The following STK25 variants were observed in gnomAD, a reference collection of about 807,000 sequenced individuals.
The protein encoded by STK25 is serine/threonine-protein kinase 25.
Under a neutral mutation model 53.8 loss-of-function variants are expected in STK25, and 29 were observed. That is an observed-to-expected ratio of 0.54 (90% CI 0.40 to 0.74). The LOEUF is 0.74. Among genes scored for constraint, STK25 ranks in the 30% least tolerant of loss-of-function variants. The pLI is 0.00. For synonymous variants in STK25, 247 were observed against 238.3 expected, an observed-to-expected ratio of 1.04 and a Z score of -0.33; for missense variants, 420 against 568.0, an observed-to-expected ratio of 0.74 and a Z score of 2.65.
intron 5 of STK25, 196 bp from the exon 6 acceptor site, chr2:241,499,610 C>T (rs1026149406): frequency 3.9e-5 from 25 of 648,312 alleles, no homozygotes; most frequent in Middle Eastern, 4.2e-4. Context: ...AGGAGCCCAA[C>T]GGCTCCACTC....
intron 5 of STK25, 131 bp downstream of exon 5, chr2:241,500,042 A>G: frequency 1.3e-6 from 1 of 752,758 alleles, no homozygotes; most frequent in Non-Finnish European, 2.4e-6. Flanking sequence ...GCTCAGTTTC[A>G]GGGTGGCCAC....
Position 241,492,906 on chromosome 2 carries a change from C to T in STK25, c.*2756G>A. 2 of 1,427,764 alleles carry T rather than the reference C, an allele frequency of 1.4e-6. No homozygotes were observed. The highest frequency in any genetic ancestry group is 2.0e-6 in the Non-Finnish European group (2 of 1,010,060). The allele number at this position is 1,427,764 out of a possible 1,614,324, so 88.4% of individuals were successfully genotyped here. A position where few individuals can be genotyped will look rare whatever the true frequency, so the allele number is the denominator to read the frequency against. On this transcript the variant is annotated 3_prime_UTR_variant, in exon 12 of 12. Transcript: ENST00000316586. Reference sequence around the variant, plus strand: ...GGGTCCTGGGTGCTGGTTAATGCACCTGCATTTTTCCTTTATTGACAGAAC... The same window carrying T: ...GGGTCCTGGGTGCTGGTTAATGCACTTGCATTTTTCCTTTATTGACAGAAC...
At position 241,508,092 on chromosome 2, in the gene STK25, G is replaced by T; in HGVS notation, c.-57C>A. On this transcript the variant is annotated 5_prime_UTR_variant, in exon 2 of 12. Transcript: ENST00000316586. ...CCCCAGGAGGCGTCTGGATCCCGCG[G>T]AGAGGCGCGGAGCCGGCTAGCTCGC... The T allele has an allele frequency of 6.4e-7, 1 of 1,558,540 alleles. No homozygotes were observed. The highest frequency in any genetic ancestry group is 1.2e-5 in the South Asian group (1 of 84,300).
Position 241,493,928 on chromosome 2 carries a change from G to A in STK25, c.*1734C>T, listed in dbSNP as rs2065030244. On this transcript the variant is annotated 3_prime_UTR_variant, in exon 12 of 12. Transcript: ENST00000316586. ...TTTTAACCCTTCTTTTGTCCTGCTT[G>A]TCCCATATCCTGGGTTGTTCTTGGG... 5.6e-6 allele frequency: 5 copies of A among 897,888 alleles called. No homozygotes were observed. The highest frequency in any genetic ancestry group is 2.9e-5 in the South Asian group (1 of 34,230). 55.6% of individuals were successfully genotyped at this position (897,888 alleles called of 1,614,324 possible). A position where few individuals can be genotyped will look rare whatever the true frequency, so the allele number is the denominator to read the frequency against.
Position 241,497,604 on chromosome 2 carries a change from CCCCATCCTCA to C in STK25, c.1104+2_1104+11del. Reference sequence around the variant, plus strand: ...GACGGGACTCCAGGCCCAGTCCCAGCCCCATCCTCACCTCTCCGAAGACGGGCCGGACCAG... The same window carrying C: ...GACGGGACTCCAGGCCCAGTCCCAGCCCTCTCCGAAGACGGGCCGGACCAG... On this transcript the variant is annotated splice_donor_variant and splice_donor_5th_base_variant and intron_variant, in intron 10 of 11. Transcript: ENST00000316586. LOFTEE classifies it high-confidence loss of function. 6.2e-7 allele frequency: 1 copy of C among 1,613,284 alleles called. No homozygotes were observed. The highest frequency in any genetic ancestry group is 8.5e-7 in the Non-Finnish European group (1 of 1,179,766).
rs1380432090 is a variant in STK25, at chr2:241,496,673, C to A, written c.1105-139G>T. On this transcript the variant is annotated intron_variant, in intron 10 of 11. Transcript: ENST00000316586. The surrounding 1 kb of genome is among the most constrained non-coding windows in gnomAD (Gnocchi z 5.8). The stretch of plus-strand genomic sequence containing the variant: ...CACACCCGGGAGCCCTTCAGCAAGC[C>A]GGGAAGTGAGGTGGCCCAAGGAAGC... The A allele has an allele frequency of 4.5e-5, 44 of 979,032 alleles. No homozygotes were observed. In the South Asian group the frequency reaches 7.0e-4, roughly 16 times the overall value. The allele number at this position is 979,032 out of a possible 1,614,324, so 60.6% of individuals were successfully genotyped here.
At chr2:241,507,190 C>G (rs187622828) in intron 2 of STK25, among the ~76,000 whole-genome samples, 23 of 152,308 alleles carry the variant, frequency 1.5e-4, no homozygotes, top group Non-Finnish European at 3.1e-4. Context: ...GAAAACCCAG[C>G]GGCCAGAGTC....
At chr2:241,506,362 T>G (rs1298362351) in intron 2 of STK25, among the ~76,000 whole-genome samples, 1 of 152,234 alleles carries the variant, frequency 6.6e-6, no homozygotes, top group Non-Finnish European at 1.5e-5. Flanking sequence ...GTGCCCGCAC[T>G]CCCTTCCCTG....
intron 2 of STK25, 108 bp downstream of exon 2, chr2:241,507,898 C>T: frequency 8.4e-7 from 1 of 1,189,898 alleles, no homozygotes; most frequent in African/African-American, 1.6e-5. Context: ...GCGCTCCTTC[C>T]CTCACCCCAC....
At position 241,494,688 on chromosome 2, in the gene STK25, C is replaced by T. The variant is rs2065057686; in HGVS notation, c.*974G>A. ...AGAAGCCACGCTTGTTCCCCATGTA[C>T]CTCTAGAGAAGCAGAAACCAAAGTC... On this transcript the variant is annotated 3_prime_UTR_variant, in exon 12 of 12. Coordinates refer to ENST00000316586, the MANE Select transcript of STK25 (RefSeq NM_001271977.2). This position sits in a 1 kb window ranked among gnomAD's most constrained non-coding sequence, Gnocchi z 4.9. 1 of 152,248 alleles carries T rather than the reference C, an allele frequency of 6.6e-6. No individual in the cohort carries two copies. Among genetic ancestry groups the T allele is most frequent in the South Asian group, 2.1e-4 (1 of 4,836 alleles). The allele number at this position is 152,248 out of a possible 1,614,324, so 9.4% of individuals were successfully genotyped here. A position where few individuals can be genotyped will look rare whatever the true frequency, so the allele number is the denominator to read the frequency against.
rs2065100903 is a variant in STK25, at chr2:241,495,614, G to C, written c.*48C>G. 1 of 1,608,228 alleles carries C rather than the reference G, an allele frequency of 6.2e-7. No individual in the cohort carries two copies. ...GTCAGCACAGTTCTTATGGAGCTCAGAACAAAAACAAACGACCTTCCGTCC... is the reference window on the plus strand; with the variant it reads ...GTCAGCACAGTTCTTATGGAGCTCACAACAAAAACAAACGACCTTCCGTCC... On this transcript the variant is annotated 3_prime_UTR_variant, in exon 12 of 12. Coordinates refer to ENST00000316586, the MANE Select transcript of STK25 (RefSeq NM_001271977.2).
chr2:241,497,874 C>G (rs1365026526), intron 9 of STK25, among the ~76,000 whole-genome samples, 187 bp from the exon 10 acceptor site: 1 of 151,928 alleles, frequency 6.6e-6, no homozygotes, highest in Non-Finnish European at 1.5e-5. Flanking sequence ...CGACTCCCAC[C>G]CTCTCCTGAC....
chr2:241,497,467 T>C, intron 10 of STK25, 149 bp downstream of exon 10: 1 of 766,794 alleles, frequency 1.3e-6, no homozygotes, highest in East Asian at 2.5e-5. Flanking sequence ...TTCTGCTCCT[T>C]CCACTCAGAA....
intron 2 of STK25, among the ~76,000 whole-genome samples, chr2:241,505,854 C>T (rs532452189): frequency 1.5e-4 from 23 of 152,242 alleles, no homozygotes; most frequent in South Asian, 6.2e-4. Context: ...CTGGAGGCTG[C>T]GAATCCTCTT....
rs934891538 is a variant in STK25 at position 241,493,698 on chromosome 2, G to A, written c.*1964C>T. On this transcript the variant is annotated 3_prime_UTR_variant, in exon 12 of 12. Transcript: ENST00000316586. ...TAACCTGCACCTCCAGGGTTCAAGCGATTCTTCTGCCTCAGCCTCCTGAGT... is the reference window on the plus strand; with the variant it reads ...TAACCTGCACCTCCAGGGTTCAAGCAATTCTTCTGCCTCAGCCTCCTGAGT... The A allele has an allele frequency of 2.3e-5, 12 of 532,876 alleles. No homozygotes were observed. The highest frequency in any genetic ancestry group is 3.3e-5 in the Non-Finnish European group (10 of 298,988). 33.0% of individuals were successfully genotyped at this position (532,876 alleles called of 1,614,324 possible).
At chr2:241,498,026 T>A (rs1157856914) in intron 9 of STK25, among the ~76,000 whole-genome samples, 3 of 151,716 alleles carry the variant, frequency 2.0e-5, no homozygotes, top group African/African-American at 7.3e-5. Flanking sequence ...CAAATTTGGC[T>A]CCAAACAGGC....
chr2:241,504,485 C>T (rs2065703100), intron 2 of STK25, among the ~76,000 whole-genome samples: 1 of 152,154 alleles, frequency 6.6e-6, no homozygotes, highest in Non-Finnish European at 1.5e-5. Context: ...GCCCCCAGCC[C>T]CATCACTGCT....
In STK25 at chr2:241,496,594, T is replaced by C. The variant is rs1363205977; in HGVS notation, c.1105-60A>G. 1.3e-6 allele frequency: 2 copies of C among 1,571,024 alleles called. No individual in the cohort carries two copies. Among genetic ancestry groups the C allele is most frequent in the South Asian group, 1.1e-5 (1 of 87,894 alleles). ...CAGGACAGGCCTTCAGGGAGCCTGCTCCTTTGCTCGGCCACAGTGATGCCG... is the reference window on the plus strand; with the variant it reads ...CAGGACAGGCCTTCAGGGAGCCTGCCCCTTTGCTCGGCCACAGTGATGCCG... On this transcript the variant is annotated intron_variant, in intron 10 of 11. Transcript: ENST00000316586. The surrounding 1 kb of genome is among the most constrained non-coding windows in gnomAD (Gnocchi z 5.8).
At position 241,496,638 on chromosome 2, in the gene STK25, G is replaced by A. The variant is rs937931290; in HGVS notation, c.1105-104C>T. The A allele has an allele frequency of 9.0e-6, 12 of 1,328,168 alleles. No homozygotes were observed. In the African/African-American group the frequency reaches 1.2e-4, roughly 13 times the overall value. The allele number at this position is 1,328,168 out of a possible 1,614,324, so 82.3% of individuals were successfully genotyped here. On this transcript the variant is annotated intron_variant, in intron 10 of 11. Transcript: ENST00000316586. The surrounding 1 kb of genome is among the most constrained non-coding windows in gnomAD (Gnocchi z 5.8). ...GATGCCGGAGGCCTTCAGGGCTCTC[G>A]CCTAGGAGCCACACCCGGGAGCCCT...
Sources: gnomAD v4.1 joint callset for allele counts (sites outside exome capture counted in the v4.1 genomes callset) on GRCh38, gnomAD v4.1.1 for gene constraint, Gnocchi (gnomAD v3.1) non-coding constraint, MANE v1.5 for transcripts, NCBI Gene and HGNC (gene_info 2026-07-23, HGNC 2026-07-21) for gene names.